RNF8: variants seen among roughly 807,000 people sequenced by gnomAD.
The protein encoded by RNF8 is ring finger protein 8.
RNF8 carries 8 observed loss-of-function variants against 59.3 expected under a neutral mutation model. The observed-to-expected ratio is 0.13, with a 90% confidence interval of 0.08 to 0.24. The LOEUF (loss-of-function observed/expected upper bound fraction) is 0.24, where lower values mean the gene tolerates loss of function less well. RNF8 is among the 10% of genes least tolerant of loss of function. The pLI, the probability that RNF8 is intolerant of heterozygous loss-of-function variation, is 1.00. For synonymous variants in RNF8, 162 were observed against 200.0 expected (o/e 0.81, Z 1.60); for missense variants, 406 against 572.6 (o/e 0.71, Z 2.97).
intron 1 of RNF8, among the ~76,000 whole-genome samples, chr6:37,358,494 T>G (rs1367372815): frequency 1.3e-5 from 2 of 152,236 alleles, no homozygotes; most frequent in Non-Finnish European, 2.9e-5. Context: ...AGGACATATT[T>G]GAATTATAGC....
intron 2 of RNF8, among the ~76,000 whole-genome samples, chr6:37,365,790 G>A (rs1769527315): frequency 6.8e-6 from 1 of 147,872 alleles, no homozygotes; most frequent in Non-Finnish European, 1.5e-5. Flanking sequence ...CATTAAGAAA[G>A]CCTTGAACAG....
chr6:37,360,620 T>C lies in RNF8; in HGVS notation c.240+46T>C. 1 of 1,530,886 alleles carries C rather than the reference T, an allele frequency of 6.5e-7. No individual in the cohort carries two copies. The highest frequency in any genetic ancestry group is 8.7e-7 in the Non-Finnish European group (1 of 1,144,318). The allele number at this position is 1,530,886 out of a possible 1,614,324, so 94.8% of individuals were successfully genotyped here. On this transcript the variant is annotated intron_variant, in intron 2 of 7. Coordinates refer to ENST00000373479, the MANE Select transcript of RNF8 (RefSeq NM_003958.4). This position sits in a 1 kb window ranked among gnomAD's most constrained non-coding sequence, Gnocchi z 4.2. Reference sequence around the variant, plus strand: ...CTAATGACTTTTATTTGTTTTTAAATTACTTTTTTTTTTTTTTGCATAGGT... The same window carrying C: ...CTAATGACTTTTATTTGTTTTTAAACTACTTTTTTTTTTTTTTGCATAGGT...
intron 1 of RNF8, chr6:37,359,100 A>C (rs747707160): frequency 2.5e-6 from 1 of 408,162 alleles, no homozygotes; most frequent in South Asian, 1.8e-5. Flanking sequence ...TCTCAAAAAA[A>C]CAAAAAAAAA....
In RNF8 at chr6:37,360,420, T is replaced by A; in HGVS notation, c.112-26T>A. 6.2e-7 allele frequency: 1 copy of A among 1,601,334 alleles called. No individual in the cohort carries two copies. The highest frequency in any genetic ancestry group is 1.6e-5 in the African/African-American group (1 of 63,684). Reference sequence around the variant, plus strand: ...CTTTTCAGCACAATGACTGATGGTATTTCTTGCATTGTTGTTGTCTCCCAG... The same window carrying A: ...CTTTTCAGCACAATGACTGATGGTAATTCTTGCATTGTTGTTGTCTCCCAG... On this transcript the variant is annotated intron_variant, in intron 1 of 7. Transcript: ENST00000373479. The surrounding 1 kb of genome is among the most constrained non-coding windows in gnomAD (Gnocchi z 4.2).
At chr6:37,358,811 A>G (rs565142124) in intron 1 of RNF8, among the ~76,000 whole-genome samples, 164 of 152,232 alleles carry the variant, frequency 1.1e-3, no homozygotes, top group Admixed American at 3.2e-3. Context: ...AAGAATATGC[A>G]GGGAGCCGGG....
At chr6:37,368,331 T>G (rs1383259641) in intron 2 of RNF8, 153 bp from the exon 3 acceptor site, 2 of 1,578,918 alleles carry the variant, frequency 1.3e-6, no homozygotes, top group Non-Finnish European at 1.7e-6. Flanking sequence ...GAATGCTGTT[T>G]CTAAGGATGG....
chr6:37,377,065 T>C (rs1378937773), intron 6 of RNF8, 32 bp downstream of exon 6: 2 of 806,880 alleles, frequency 2.5e-6, no homozygotes, highest in East Asian at 4.4e-5. Context: ...CCCCTTCTTT[T>C]TTTTTTTTTT....
intron 2 of RNF8, among the ~76,000 whole-genome samples, chr6:37,368,198 T>A (rs538298063): frequency 2.0e-5 from 3 of 152,338 alleles, no homozygotes; most frequent in African/African-American, 7.2e-5. Flanking sequence ...TTTCCTTTAA[T>A]GCTATTCCAT....
chr6:37,380,185 G>A (rs1187570938), intron 6 of RNF8, among the ~76,000 whole-genome samples: 1 of 152,012 alleles, frequency 6.6e-6, no homozygotes, highest in Non-Finnish European at 1.5e-5. Context: ...CCAAGTGCTG[G>A]GATTACAGGT....
Position 37,381,243 on chromosome 6 carries a change from A to G in RNF8, c.1330A>G (p.Ile444Val), listed in dbSNP as rs1390763577. The G allele has an allele frequency of 6.2e-7, 1 of 1,614,090 alleles. No individual in the cohort carries two copies. Among genetic ancestry groups the G allele is most frequent in the Non-Finnish European group, 8.5e-7 (1 of 1,180,008 alleles). The change falls in exon 7 of 8, where the codon ATT becomes GTT. Residue 444 changes from isoleucine (I) to valine (V), a missense_variant. Physicochemically the swap from Ile to Val is conservative, Grantham distance 29. Coordinates refer to ENST00000373479, the MANE Select transcript of RNF8 (RefSeq NM_003958.4). ...AGAATGCCCCATTTGTCGGAAGGAC[A>G]TTAAGTCCAAAACGTACTCTTTGGT... ...KIECPICRKD[I>V]KSKTYSLVLD...
At position 37,360,118 on chromosome 6, in the gene RNF8, C is replaced by T. The variant is rs1261419590; in HGVS notation, c.112-328C>T. Reference sequence around the variant, plus strand: ...GGCCTGCCTTATGTAAAGTTACTGACAGTATTTATGCGTTGATGGGATGTG... The same window carrying T: ...GGCCTGCCTTATGTAAAGTTACTGATAGTATTTATGCGTTGATGGGATGTG... On this transcript the variant is annotated intron_variant, in intron 1 of 7. Coordinates refer to ENST00000373479, the MANE Select transcript of RNF8 (RefSeq NM_003958.4). This position sits in a 1 kb window ranked among gnomAD's most constrained non-coding sequence, Gnocchi z 4.2. Among the ~76,000 whole-genome samples the T allele has an allele frequency of 6.6e-6, 1 of 152,200 alleles. No homozygotes were observed. Among genetic ancestry groups the T allele is most frequent in the Non-Finnish European group, 1.5e-5 (1 of 68,040 alleles).
chr6:37,354,342 G>A (rs1769027908), intron 1 of RNF8, 67 bp downstream of exon 1: 3 of 1,288,152 alleles, frequency 2.3e-6, no homozygotes, highest in African/African-American at 1.5e-5. Context: ...CGGGGAGGGA[G>A]GAAGGTGTCT....
At chr6:37,389,701 G>A (rs780860440) in intron 7 of RNF8, among the ~76,000 whole-genome samples, 14 of 151,720 alleles carry the variant, frequency 9.2e-5, no homozygotes, top group Non-Finnish European at 1.9e-4. Context: ...AGAGTATCGT[G>A]GGGGGGTGGG....
intron 3 of RNF8, among the ~76,000 whole-genome samples, chr6:37,371,143 G>A (rs952323453): frequency 5.9e-5 from 9 of 152,302 alleles, no homozygotes; most frequent in African/African-American, 2.2e-4. Context: ...GATGTTGTGA[G>A]TGCCAGCACT....
At chr6:37,368,321 G>T in intron 2 of RNF8, 163 bp from the exon 3 acceptor site, 6 of 1,558,160 alleles carry the variant, frequency 3.9e-6, no homozygotes, top group Middle Eastern at 1.7e-4. Context: ...ACTGCTTGAC[G>T]AATGCTGTTT....
chr6:37,374,995 A>T lies in RNF8; in HGVS notation c.1128+286A>T, dbSNP rs182970459. Among the ~76,000 whole-genome samples the T allele has an allele frequency of 3.8e-3, 574 of 152,360 alleles. 3 individuals carry two copies. The highest frequency in any genetic ancestry group is 0.013 in the African/African-American group (552 of 41,578). The stretch of plus-strand genomic sequence containing the variant: ...CTCCTTCAGAGTGTGTCACTGATAC[A>T]GACTGAGGAATATTGTAGTCAAGAA... On this transcript the variant is annotated intron_variant, in intron 5 of 7. Coordinates refer to ENST00000373479, the MANE Select transcript of RNF8 (RefSeq NM_003958.4).
At position 37,391,647 on chromosome 6, in the gene RNF8, T is replaced by A. The variant is rs182444080; in HGVS notation, c.*889T>A. The A allele has an allele frequency of 1.3e-5, 2 of 152,346 alleles. No homozygotes were observed. The highest frequency in any genetic ancestry group is 1.3e-4 in the Admixed American group (2 of 15,294). 9.4% of individuals were successfully genotyped at this position (152,346 alleles called of 1,614,324 possible). A position where few individuals can be genotyped will look rare whatever the true frequency, so the allele number is the denominator to read the frequency against. On this transcript the variant is annotated 3_prime_UTR_variant, in exon 8 of 8. Transcript: ENST00000373479. ...CTCTCTTTTCTCCACCTCTCCTTTA[T>A]TTTTAATTTTAATTTTAATTTTTGA...
In RNF8 at chr6:37,353,992, C is replaced by T. The variant is rs1445360265; in HGVS notation, c.-173C>T. ...GTCCTCTTGCGCAGGCGTAGTGCTC[C>T]TGCTTCCTGGCCGAGGGCGGGCGAG... On this transcript the variant is annotated 5_prime_UTR_variant, in exon 1 of 8. Transcript: ENST00000373479. The T allele has an allele frequency of 1.5e-6, 1 of 650,856 alleles. No individual in the cohort carries two copies. The highest frequency in any genetic ancestry group is 2.8e-5 in the East Asian group (1 of 35,182). The allele number at this position is 650,856 out of a possible 1,614,324, so 40.3% of individuals were successfully genotyped here.
intron 6 of RNF8, among the ~76,000 whole-genome samples, chr6:37,379,172 C>T (rs796444626): frequency 3.2e-4 from 49 of 152,166 alleles, no homozygotes; most frequent in African/African-American, 1.1e-3. Context: ...CGCCACCACA[C>T]CCAGCTAATT....
Sources: allele counts gnomAD v4.1 joint callset (sites outside exome capture counted in the v4.1 genomes callset), GRCh38; gene constraint gnomAD v4.1.1; non-coding constraint Gnocchi (gnomAD v3.1); transcripts MANE v1.5; gene names NCBI Gene and HGNC (gene_info 2026-07-23, HGNC 2026-07-21).